Variants in POU3F3 observed in about 807,000 individuals in gnomAD.
POU3F3 encodes POU domain, class 3, transcription factor 3.
A neutral mutation model predicts 8.6 loss-of-function variants in POU3F3; 1 was observed. The observed-to-expected ratio is 0.12, with a 90% confidence interval of 0.04 to 0.55. POU3F3 has a LOEUF of 0.55. Among genes scored for constraint, POU3F3 ranks in the 20% least tolerant of loss-of-function variants. The pLI is 0.91. For missense variants in POU3F3, 577 were observed against 690.7 expected, an observed-to-expected ratio of 0.84 and a Z score of 1.84; for synonymous variants, 418 against 327.4, an observed-to-expected ratio of 1.28 and a Z score of -2.99.
chr2:104,857,549 C>G lies in POU3F3; in HGVS notation c.*536C>G, dbSNP rs1469040161. ...TTGAAAAAAAGAGAGAGAGAGAGTC[C>G]CCTTTCCTTTCACTTTCTCCCTCCA... On this transcript the variant is annotated 3_prime_UTR_variant, in exon 1 of 1. Coordinates refer to ENST00000361360, the MANE Select transcript of POU3F3 (RefSeq NM_006236.3). The G allele has an allele frequency of 6.5e-6, 1 of 153,544 alleles. No homozygotes were observed. The highest frequency in any genetic ancestry group is 1.5e-5 in the Non-Finnish European group (1 of 68,002). The allele number at this position is 153,544 out of a possible 1,614,324, so 9.5% of individuals were successfully genotyped here.
At chr2:104,896,068 C>A in the POU3F3 span, among the ~76,000 whole-genome samples, 1 of 152,166 alleles carries the variant, frequency 6.6e-6, no homozygotes, top group East Asian at 1.9e-4. Flanking sequence ...CGGCAGGGAG[C>A]AGGAACTCGA....
At chr2:104,890,122 G>C in the POU3F3 span, among the ~76,000 whole-genome samples, 29 of 152,208 alleles carry the variant, frequency 1.9e-4, no homozygotes, top group Middle Eastern at 3.4e-3. Flanking sequence ...AAGTAAAAAG[G>C]GCTCCCCAGA....
At chr2:104,910,835 G>GA in the POU3F3 span, among the ~76,000 whole-genome samples, 2 of 149,008 alleles carry the variant, frequency 1.3e-5, no homozygotes, top group African/African-American at 2.5e-5. Flanking sequence ...AAATGCTCAG[G>GA]AAAAAAAGAA....
chr2:104,862,447 G>A (rs370119959), downstream of POU3F3, among the ~76,000 whole-genome samples: 133 of 152,338 alleles, frequency 8.7e-4, 1 homozygote, highest in South Asian at 0.027. Context: ...ACGGGGTCAG[G>A]TGTAAGGCCT....
the POU3F3 span, among the ~76,000 whole-genome samples, chr2:104,909,606 AGGG>A: frequency 2.0e-5 from 3 of 152,200 alleles, no homozygotes; most frequent in Non-Finnish European, 2.9e-5. Flanking sequence ...TGCCTCTGCC[AGGG>A]CACTGGCTGC....
At chr2:104,909,495 A>C in the POU3F3 span, among the ~76,000 whole-genome samples, 1 of 152,206 alleles carries the variant, frequency 6.6e-6, no homozygotes, top group East Asian at 1.9e-4. Flanking sequence ...CATTAGTCTC[A>C]CCTGGTGCTT....
chr2:104,892,059 C>T, the POU3F3 span, among the ~76,000 whole-genome samples: 1 of 152,162 alleles, frequency 6.6e-6, no homozygotes, highest in East Asian at 1.9e-4. Context: ...CGATCAAACC[C>T]CCTGATGATG....
chr2:104,909,561 G>A, the POU3F3 span, among the ~76,000 whole-genome samples: 1 of 152,196 alleles, frequency 6.6e-6, no homozygotes, highest in South Asian at 2.1e-4. Context: ...CTGCCAATCA[G>A]CCTCTTGCCC....
the POU3F3 span, among the ~76,000 whole-genome samples, chr2:104,911,814 G>A: frequency 2.6e-5 from 4 of 151,896 alleles, no homozygotes; most frequent in African/African-American, 4.8e-5. Context: ...AAGTGGTCTC[G>A]AGAGAGAGAG....
the POU3F3 span, among the ~76,000 whole-genome samples, chr2:104,893,457 G>C: frequency 6.6e-6 from 1 of 152,234 alleles, no homozygotes; most frequent in Non-Finnish European, 1.5e-5. Context: ...AGCAGTCTCT[G>C]GGTATCTGCA....
the POU3F3 span, among the ~76,000 whole-genome samples, chr2:104,908,607 A>G: frequency 2.0e-5 from 3 of 152,230 alleles, no homozygotes; most frequent in South Asian, 2.1e-4. Flanking sequence ...CTAATGATAC[A>G]TAAGCAGAGT....
chr2:104,883,850 G>A, the POU3F3 span, among the ~76,000 whole-genome samples: 6 of 152,188 alleles, frequency 3.9e-5, no homozygotes, highest in African/African-American at 1.4e-4. Context: ...GCATGTGCTT[G>A]GGATAGTGGG....
At chr2:104,862,473 C>T (rs942082333), downstream of POU3F3, among the ~76,000 whole-genome samples, 3 of 152,078 alleles carry the variant, frequency 2.0e-5, no homozygotes, top group Non-Finnish European at 4.4e-5. Flanking sequence ...CGGTGAAAAC[C>T]CCGGATCAGA....
chr2:104,883,880 A>T, the POU3F3 span, among the ~76,000 whole-genome samples: 1 of 152,132 alleles, frequency 6.6e-6, no homozygotes, highest in East Asian at 1.9e-4. Flanking sequence ...TCAGAGAGAG[A>T]TCCCTTCTCA....
chr2:104,873,971 C>T, the POU3F3 span, among the ~76,000 whole-genome samples: 3 of 152,226 alleles, frequency 2.0e-5, no homozygotes, highest in East Asian at 5.8e-4. Context: ...GCTGGTTTTC[C>T]TTTGGCCTGT....
At chr2:104,863,156 AACAATTATTATT>A, downstream of POU3F3, among the ~76,000 whole-genome samples, 1 of 126,832 alleles carries the variant, frequency 7.9e-6, no homozygotes, top group Non-Finnish European at 1.6e-5. Context: ...GCCTCATAAT[AACAATTATTATT>A]ATTATTATTA....
Position 104,857,841 on chromosome 2 carries a change from C to T in POU3F3, c.*828C>T, listed in dbSNP as rs1040458673. The T allele has an allele frequency of 2.0e-5, 3 of 152,176 alleles. No individual in the cohort carries two copies. The highest frequency in any genetic ancestry group is 7.2e-5 in the African/African-American group (3 of 41,446). 9.4% of individuals were successfully genotyped at this position (152,176 alleles called of 1,614,324 possible). ...CAAAAGAAAAGTATCCTCAAAGTAA[C>T]CTTGGAAATAAAAGGATCGGGAAGG... is the stretch of plus-strand genomic sequence containing the variant. On this transcript the variant is annotated 3_prime_UTR_variant, in exon 1 of 1. Coordinates refer to ENST00000361360, the MANE Select transcript of POU3F3 (RefSeq NM_006236.3).
Position 104,855,346 on chromosome 2 carries a change from C to T in POU3F3, c.-165C>T, listed in dbSNP as rs1217774327. On this transcript the variant is annotated 5_prime_UTR_variant, in exon 1 of 1. Coordinates refer to ENST00000361360, the MANE Select transcript of POU3F3 (RefSeq NM_006236.3). ...GAGGCGGCGGCGGAGGAGGAGGCGG[C>T]GAAGGCGGCGGGGCCGGCGGGGGCC... Among the ~76,000 whole-genome samples the T allele has an allele frequency of 7.1e-5, 9 of 126,152 alleles. No individual in the cohort carries two copies. The highest frequency in any genetic ancestry group is 1.7e-5 in the Non-Finnish European group (1 of 59,190). 82.8% of individuals were successfully genotyped at this position (126,152 alleles called of 152,430 possible).
chr2:104,866,960 G>A, the POU3F3 span: 4 of 152,268 alleles, frequency 2.6e-5, no homozygotes, highest in Admixed American at 6.5e-5. Context: ...GTTCACAACT[G>A]TGTCATCCTC....
Sources: allele counts gnomAD v4.1 joint callset (sites outside exome capture counted in the v4.1 genomes callset), GRCh38; gene constraint gnomAD v4.1.1; transcripts MANE v1.5; gene names NCBI Gene and HGNC (gene_info 2026-07-23, HGNC 2026-07-21).